NALF1: variants seen among roughly 807,000 people sequenced by gnomAD.
NALF1 encodes the protein NALCN channel auxiliary factor 1.
A neutral mutation model predicts 48.4 loss-of-function variants in NALF1; 3 were observed. That is an observed-to-expected ratio of 0.06 (90% CI 0.03 to 0.16). The LOEUF (loss-of-function observed/expected upper bound fraction) is 0.16. Ranked by LOEUF, NALF1 falls within the 10% of genes least tolerant of loss-of-function variation. NALF1 has a pLI of 1.00. For synonymous variants in NALF1, 262 were observed against 245.7 expected, an observed-to-expected ratio of 1.07 and a Z score of -0.62; for missense variants, 526 against 571.5, an observed-to-expected ratio of 0.92 and a Z score of 0.81.
chr13:107,545,768 G>A (rs1011263317), intron 1 of NALF1, among the ~76,000 whole-genome samples: 2 of 152,196 alleles, frequency 1.3e-5, no homozygotes, highest in East Asian at 1.9e-4. Flanking sequence ...TAGGCAGTGC[G>A]AGATGGTATA....
chr13:107,517,626 C>T (rs1015248275), intron 1 of NALF1, among the ~76,000 whole-genome samples: 35 of 151,030 alleles, frequency 2.3e-4, no homozygotes, highest in African/African-American at 7.6e-4. Context: ...CAGAGTGAGA[C>T]GCTGTTTCAA....
chr13:107,244,586 A>G (rs1248803675), intron 1 of NALF1, among the ~76,000 whole-genome samples: 2 of 152,114 alleles, frequency 1.3e-5, no homozygotes, highest in African/African-American at 2.4e-5. Context: ...CTTTTTGTAC[A>G]TCTTTTGAAG....
intron 1 of NALF1, among the ~76,000 whole-genome samples, chr13:107,399,336 T>C (rs1303235689): frequency 6.6e-6 from 1 of 152,092 alleles, no homozygotes; most frequent in African/African-American, 2.4e-5. Context: ...AATGAACAGC[T>C]TATTACAAAA....
At chr13:107,708,085 C>T (rs186829170) in intron 1 of NALF1, among the ~76,000 whole-genome samples, 37 of 144,722 alleles carry the variant, frequency 2.6e-4, no homozygotes, top group African/African-American at 8.4e-4. Flanking sequence ...ATCTAGAAAA[C>T]GCTCCTATAA....
chr13:107,211,525 G>T (rs1055190364), intron 1 of NALF1, among the ~76,000 whole-genome samples: 1 of 152,116 alleles, frequency 6.6e-6, no homozygotes, highest in Non-Finnish European at 1.5e-5. Context: ...TCTTTGTTTT[G>T]GTGGCTATTT....
intron 1 of NALF1, among the ~76,000 whole-genome samples, chr13:107,684,668 G>T (rs1391436027): frequency 1.3e-5 from 2 of 151,976 alleles, no homozygotes; most frequent in African/African-American, 4.8e-5. Flanking sequence ...CCTTTTAATT[G>T]GAAAGACATG....
intron 1 of NALF1, among the ~76,000 whole-genome samples, chr13:107,225,404 G>A (rs1376005068): frequency 1.3e-5 from 2 of 152,110 alleles, no homozygotes; most frequent in Non-Finnish European, 2.9e-5. Flanking sequence ...AGCCTCCTGA[G>A]TAACTGGGAC....
rs1301586324 is a variant in NALF1 at position 107,271,791 on chromosome 13, TA to T, written c.916-61037del. On this transcript the variant is annotated intron_variant, in intron 1 of 2. Transcript: ENST00000375915. ...CTACTGGACTATATATATATATATA[TA>T]TATATATATATATATATATATATAT... is the stretch of plus-strand genomic sequence containing the variant. Among the ~76,000 whole-genome samples, 185 of 123,670 alleles carry T rather than the reference TA, an allele frequency of 1.5e-3. 2 individuals carry two copies. Among genetic ancestry groups the T allele is most frequent in the Middle Eastern group, 7.5e-3 (2 of 266 alleles). 81.1% of individuals were successfully genotyped at this position (123,670 alleles called of 152,430 possible). A position where few individuals can be genotyped will look rare whatever the true frequency, so the allele number is the denominator to read the frequency against.
intron 1 of NALF1, among the ~76,000 whole-genome samples, chr13:107,331,360 A>G (rs1249413139): frequency 2.0e-5 from 3 of 152,172 alleles, no homozygotes; most frequent in African/African-American, 7.2e-5. Flanking sequence ...GATAAAGGCA[A>G]TGTTCTCATA....
At chr13:107,812,564 G>A (rs1022320081) in intron 1 of NALF1, among the ~76,000 whole-genome samples, 2 of 152,032 alleles carry the variant, frequency 1.3e-5, no homozygotes, top group Non-Finnish European at 2.9e-5. Context: ...AAACTTCTCT[G>A]TATTGATGTA....
intron 1 of NALF1, among the ~76,000 whole-genome samples, chr13:107,282,733 G>A (rs886479169): frequency 2.0e-5 from 3 of 152,226 alleles, no homozygotes; most frequent in African/African-American, 7.2e-5. Context: ...TGCCAGTCAT[G>A]TGAGTGATCG....
intron 1 of NALF1, among the ~76,000 whole-genome samples, chr13:107,492,833 A>C (rs964242603): frequency 2.0e-5 from 3 of 152,224 alleles, no homozygotes; most frequent in African/African-American, 7.2e-5. Context: ...CTCCAAGGAA[A>C]AAAACGTACA....
intron 1 of NALF1, among the ~76,000 whole-genome samples, chr13:107,596,044 G>C (rs1878736373): frequency 6.6e-6 from 1 of 152,128 alleles, no homozygotes; most frequent in African/African-American, 2.4e-5. Flanking sequence ...ATGTGGAAGG[G>C]GAAGGTATCA....
intron 1 of NALF1, among the ~76,000 whole-genome samples, chr13:107,538,004 G>A (rs954052222): frequency 3.3e-5 from 5 of 152,110 alleles, no homozygotes; most frequent in Middle Eastern, 3.4e-3. Flanking sequence ...GCAGTAAAGT[G>A]ACACCCCATC....
At chr13:107,595,153 CAG>C (rs1200375628) in intron 1 of NALF1, among the ~76,000 whole-genome samples, 2 of 152,070 alleles carry the variant, frequency 1.3e-5, no homozygotes, top group Non-Finnish European at 2.9e-5. Context: ...TAAGGGAAAA[CAG>C]AAATCTTTCA....
chr13:107,383,588 A>C (rs1045512458), intron 1 of NALF1, among the ~76,000 whole-genome samples: 7 of 152,228 alleles, frequency 4.6e-5, no homozygotes, highest in African/African-American at 7.2e-5. Flanking sequence ...AAAAGAAAAA[A>C]AAAAGAAGTT....
chr13:107,545,294 G>A (rs1176407917), intron 1 of NALF1, among the ~76,000 whole-genome samples: 2 of 152,218 alleles, frequency 1.3e-5, no homozygotes, highest in East Asian at 1.9e-4. Context: ...GCCAAGGATA[G>A]CCTGCAACCT....
intron 1 of NALF1, among the ~76,000 whole-genome samples, chr13:107,695,391 G>A (rs142475561): frequency 2.3e-3 from 349 of 152,026 alleles, no homozygotes; most frequent in African/African-American, 8.0e-3. Context: ...AACATAAGTC[G>A]ACCGTAAGGT....
intron 1 of NALF1, among the ~76,000 whole-genome samples, chr13:107,233,243 TCCATATA>T (rs1880264879): frequency 6.6e-6 from 1 of 152,158 alleles, no homozygotes; most frequent in Admixed American, 6.5e-5. Context: ...TCAGAAAAAT[TCCATATA>T]CCAGCAAGAA....
Sources: gnomAD v4.1 joint callset for allele counts (sites outside exome capture counted in the v4.1 genomes callset) on GRCh38, gnomAD v4.1.1 for gene constraint, MANE v1.5 for transcripts, NCBI Gene and HGNC (gene_info 2026-07-23, HGNC 2026-07-21) for gene names.